Variants in FOCAD observed in about 807,000 individuals in gnomAD.
FOCAD encodes the protein KIAA1797.
Under a neutral mutation model 225.6 loss-of-function variants are expected in FOCAD, and 198 were observed. The observed-to-expected ratio is 0.88, with a 90% confidence interval of 0.78 to 0.99. The LOEUF is 0.99. Ranked by LOEUF, FOCAD falls within the 50% of genes least tolerant of loss-of-function variation. The pLI is 0.00. For missense variants in FOCAD, 2,713 were observed against 2,123.6 expected, an observed-to-expected ratio of 1.28 and a Z score of -5.46; for synonymous variants, 897 against 755.0, an observed-to-expected ratio of 1.19 and a Z score of -3.08.
rs199700322 is a variant in FOCAD at position 20,815,122 on chromosome 9, T to TG, written c.1456-4673dup. On this transcript the variant is annotated intron_variant, in intron 11 of 43. Coordinates refer to ENST00000338382, the MANE Select transcript of FOCAD (RefSeq NM_001375567.1). Reference sequence around the variant, plus strand: ...ATCTGGAAATATCATTACTTCTCTTTGTTTTTTTTTTTTTGTTTTTTTTTT... The same window carrying TG: ...ATCTGGAAATATCATTACTTCTCTTTGGTTTTTTTTTTTTTGTTTTTTTTTT... 6.8e-3 allele frequency among the ~76,000 whole-genome samples: 469 copies of TG among 68,794 alleles called. 50 individuals are homozygous for TG. The highest frequency in any genetic ancestry group is 0.017 in the African/African-American group (301 of 17,940). 45.1% of individuals were successfully genotyped at this position (68,794 alleles called of 152,430 possible). A position where few individuals can be genotyped will look rare whatever the true frequency, so the allele number is the denominator to read the frequency against.
At chr9:20,883,129 G>T (rs1045988869) in intron 20 of FOCAD, among the ~76,000 whole-genome samples, 1 of 152,112 alleles carries the variant, frequency 6.6e-6, no homozygotes, top group Non-Finnish European at 1.5e-5. Flanking sequence ...TTCATATACT[G>T]CACTAGACAC....
At chr9:20,745,670 A>G (rs962718860) in intron 5 of FOCAD, among the ~76,000 whole-genome samples, 1 of 152,166 alleles carries the variant, frequency 6.6e-6, no homozygotes, top group African/African-American at 2.4e-5. Context: ...ATGAGCAGTA[A>G]CTGCTTGTTC....
intron 21 of FOCAD, among the ~76,000 whole-genome samples, chr9:20,896,391 A>G (rs929683040): frequency 6.6e-6 from 1 of 151,910 alleles, no homozygotes; most frequent in Non-Finnish European, 1.5e-5. Flanking sequence ...GTTAGGAAGT[A>G]TTCTCTCTGC....
At chr9:20,943,690 T>C (rs1478183402) in intron 28 of FOCAD, among the ~76,000 whole-genome samples, 1 of 152,188 alleles carries the variant, frequency 6.6e-6, no homozygotes, top group East Asian at 1.9e-4. Context: ...TTGAGATACA[T>C]TATTGGAGAA....
intron 34 of FOCAD, chr9:20,952,657 C>T (rs932869043): frequency 1.6e-5 from 5 of 321,310 alleles, no homozygotes; most frequent in African/African-American, 2.3e-5. Context: ...GAGGAGGTCA[C>T]TGGATTAGGG....
At chr9:20,947,866 A>G (rs1837328461) in intron 30 of FOCAD, among the ~76,000 whole-genome samples, 1 of 152,146 alleles carries the variant, frequency 6.6e-6, no homozygotes, top group Non-Finnish European at 1.5e-5. Context: ...TAAGTTGTGA[A>G]AAATTGAAAT....
chr9:20,775,940 A>G (rs907214748), intron 8 of FOCAD, among the ~76,000 whole-genome samples: 2 of 151,638 alleles, frequency 1.3e-5, no homozygotes, highest in Non-Finnish European at 2.9e-5. Context: ...TTTTATTTTC[A>G]GGCTCTGAGT....
chr9:20,808,363 G>C (rs1822688251), intron 11 of FOCAD, among the ~76,000 whole-genome samples: 1 of 152,092 alleles, frequency 6.6e-6, no homozygotes, highest in African/African-American at 2.4e-5. Flanking sequence ...AGAAGAATAG[G>C]GGCAGGTTTG....
chr9:20,812,568 G>T (rs1000567823), intron 11 of FOCAD, among the ~76,000 whole-genome samples: 2 of 151,844 alleles, frequency 1.3e-5, no homozygotes, highest in African/African-American at 4.8e-5. Context: ...CTGAGATGCT[G>T]GTTTGTGTCT....
chr9:20,819,905 G>C lies in FOCAD; in HGVS notation c.1560+5G>C. ...CCTAAGCTTGGTGTTCACAAGGTTA[G>C]TATGTTAATTAATTTAGTTGGCGAA... On this transcript the variant is annotated splice_donor_5th_base_variant and intron_variant, in intron 12 of 43. Coordinates refer to ENST00000338382, the MANE Select transcript of FOCAD (RefSeq NM_001375567.1). 4.8e-6 allele frequency: 7 copies of C among 1,471,082 alleles called. No individual in the cohort carries two copies. The highest frequency in any genetic ancestry group is 6.4e-6 in the Non-Finnish European group (7 of 1,087,008). 91.1% of individuals were successfully genotyped at this position (1,471,082 alleles called of 1,614,324 possible).
chr9:20,731,469 G>A (rs1308913269), intron 4 of FOCAD, among the ~76,000 whole-genome samples: 1 of 152,058 alleles, frequency 6.6e-6, no homozygotes, highest in African/African-American at 2.4e-5. Flanking sequence ...AATGAATTTT[G>A]ATATTAGAGA....
chr9:20,839,026 C>T (rs566406623), intron 15 of FOCAD, among the ~76,000 whole-genome samples: 1 of 152,064 alleles, frequency 6.6e-6, no homozygotes, highest in African/African-American at 2.4e-5. Context: ...ATGGAGAGTT[C>T]CACAATAAAG....
chr9:20,871,528 AAGACTGGTAGT>A lies in FOCAD; in HGVS notation c.2191-3150_2191-3140del, dbSNP rs370740382. On this transcript the variant is annotated intron_variant, in intron 18 of 43. Coordinates refer to ENST00000338382, the MANE Select transcript of FOCAD (RefSeq NM_001375567.1). ...AAATTGTTGCACACAACCAGGGGGA[AAGACTGGTAGT>A]AGCCTAGGGAAGGTAGAACAAATAA... Among the ~76,000 whole-genome samples the A allele has an allele frequency of 3.4e-3, 514 of 152,046 alleles. 3 individuals are homozygous for A. The highest frequency in any genetic ancestry group is 9.5e-3 in the African/African-American group (395 of 41,436).
At chr9:20,731,779 A>G (rs7028397) in intron 4 of FOCAD, among the ~76,000 whole-genome samples, 105,682 of 151,652 alleles carry the variant, frequency 0.7, 37,165 homozygotes, top group Non-Finnish European at 0.75. Flanking sequence ...CACCACCCCC[A>G]GCTAATTTTG....
chr9:20,798,237 G>C (rs1429282400), intron 11 of FOCAD, among the ~76,000 whole-genome samples: 2 of 152,182 alleles, frequency 1.3e-5, no homozygotes, highest in Non-Finnish European at 2.9e-5. Context: ...TGCGCTGCTG[G>C]ATTTGGTTTG....
At chr9:20,711,031 T>C (rs1203470541) in intron 1 of FOCAD, among the ~76,000 whole-genome samples, 1 of 152,248 alleles carries the variant, frequency 6.6e-6, no homozygotes, top group Non-Finnish European at 1.5e-5. Flanking sequence ...GTAGTTGCTC[T>C]CTGGCCCTTT....
chr9:20,918,711 G>A (rs1261989795), intron 24 of FOCAD, among the ~76,000 whole-genome samples: 15 of 145,400 alleles, frequency 1.0e-4, no homozygotes, highest in Admixed American at 1.4e-4. Context: ...GTGACAGAGC[G>A]AGACTCCGTC....
chr9:20,933,788 C>T (rs1415323133), intron 28 of FOCAD, among the ~76,000 whole-genome samples: 6 of 152,148 alleles, frequency 3.9e-5, no homozygotes, highest in African/African-American at 1.4e-4. Context: ...AAGGAATCTC[C>T]ACACTGTTTT....
Position 20,913,143 on chromosome 9 carries a change from CAT to C in FOCAD, c.2807+191_2807+192del, listed in dbSNP as rs1244421831. The stretch of plus-strand genomic sequence containing the variant: ...TAGAGAGCTTTATTTATAAATTATA[CAT>C]ACACACACACACACACACACACACA... On this transcript the variant is annotated intron_variant, in intron 23 of 43. Coordinates refer to ENST00000338382, the MANE Select transcript of FOCAD (RefSeq NM_001375567.1). Among the ~76,000 whole-genome samples the C allele has an allele frequency of 8.0e-3, 797 of 99,994 alleles. 3 individuals are homozygous for C. Among genetic ancestry groups the C allele is most frequent in the African/African-American group, 0.029 (744 of 25,292 alleles). The allele number at this position is 99,994 out of a possible 152,430, so 65.6% of individuals were successfully genotyped here.
Sources: gnomAD v4.1 joint callset for allele counts (sites outside exome capture counted in the v4.1 genomes callset) on GRCh38, gnomAD v4.1.1 for gene constraint, MANE v1.5 for transcripts, NCBI Gene and HGNC (gene_info 2026-07-23, HGNC 2026-07-21) for gene names.